DLGAP2: variants seen among roughly 807,000 people sequenced by gnomAD.
DLGAP2 encodes DLG associated protein 2, also known as disks large-associated protein 2.
DLGAP2 carries 26 observed loss-of-function variants against 100.3 expected under a neutral mutation model. The ratio of observed to expected loss-of-function variants is 0.26; its 90% CI spans 0.19 to 0.36. The LOEUF (loss-of-function observed/expected upper bound fraction) is 0.36. Among genes scored for constraint, DLGAP2 ranks in the 10% least tolerant of loss-of-function variants. The pLI, the probability that DLGAP2 is intolerant of heterozygous loss-of-function variation, is 1.00. For synonymous variants in DLGAP2, 886 were observed against 630.1 expected (o/e 1.41, Z -6.08); for missense variants, 1,858 against 1,453.2 (o/e 1.28, Z -4.53).
chr8:1,094,022 T>C (rs1250425360), intron 2 of DLGAP2, among the ~76,000 whole-genome samples: 10 of 148,782 alleles, frequency 6.7e-5, no homozygotes, highest in Non-Finnish European at 1.0e-4. Context: ...GAGGGCAGCT[T>C]CGCGGTGGGT....
chr8:1,630,895 G>A (rs1184691620), intron 7 of DLGAP2, among the ~76,000 whole-genome samples: 2 of 138,714 alleles, frequency 1.4e-5, no homozygotes, highest in African/African-American at 3.4e-5. Flanking sequence ...CGGGAGGTCC[G>A]GGTGTCCCGA....
intron 3 of DLGAP2, among the ~76,000 whole-genome samples, chr8:1,452,880 A>T (rs1324152523): frequency 1.3e-5 from 2 of 152,150 alleles, no homozygotes; most frequent in Non-Finnish European, 2.9e-5. Flanking sequence ...TGTTTTTGTA[A>T]AAGGGGGGTG....
chr8:1,381,168 A>G (rs893274869), intron 3 of DLGAP2: 1 of 152,134 alleles, frequency 6.6e-6, no homozygotes, highest in Non-Finnish European at 1.5e-5. Context: ...TGGACAAGCA[A>G]CCAGAACAGG....
At chr8:1,312,083 C>T (rs939528785) in intron 3 of DLGAP2, among the ~76,000 whole-genome samples, 4 of 152,202 alleles carry the variant, frequency 2.6e-5, no homozygotes, top group African/African-American at 9.6e-5. Flanking sequence ...GCTACTTCAT[C>T]CAACAGCAGC....
intron 2 of DLGAP2, among the ~76,000 whole-genome samples, chr8:1,098,718 C>A (rs1432732864): frequency 7.5e-6 from 1 of 133,096 alleles, no homozygotes; most frequent in African/African-American, 2.8e-5. Context: ...TCCCGGCCGC[C>A]CACGGGCGCC....
intron 3 of DLGAP2, chr8:1,259,774 C>G (rs1799308113): frequency 1.3e-5 from 2 of 152,186 alleles, no homozygotes; most frequent in African/African-American, 4.8e-5. Context: ...ATTGGAAAGG[C>G]TCTTACTCGT....
At chr8:1,580,404 T>C (rs919650852) in intron 6 of DLGAP2, among the ~76,000 whole-genome samples, 10 of 151,988 alleles carry the variant, frequency 6.6e-5, no homozygotes, top group Admixed American at 3.9e-4. Flanking sequence ...TGAAGATAGG[T>C]TCATGGAAAT....
chr8:1,214,822 C>T (rs1014203006), intron 2 of DLGAP2, among the ~76,000 whole-genome samples: 1 of 152,252 alleles, frequency 6.6e-6, no homozygotes, highest in Non-Finnish European at 1.5e-5. Context: ...TTCCACATAA[C>T]ATTCTTTAAT....
At chr8:1,048,264 G>A (rs1221945403) in intron 2 of DLGAP2, among the ~76,000 whole-genome samples, 1 of 152,136 alleles carries the variant, frequency 6.6e-6, no homozygotes, top group Non-Finnish European at 1.5e-5. Context: ...GTCCTGTGAG[G>A]CTGTCGTCTC....
intron 6 of DLGAP2, 43 bp downstream of exon 6, chr8:1,565,937 C>A (rs1424745135): frequency 2.6e-6 from 4 of 1,512,254 alleles, no homozygotes; most frequent in South Asian, 1.3e-5. Flanking sequence ...CACTTTCCCA[C>A]TGCCTGCGAG....
In DLGAP2 at chr8:780,369, G is replaced by A. The variant is rs73539405; in HGVS notation, c.18+42544G>A. On this transcript the variant is annotated intron_variant, in intron 1 of 14. Transcript: ENST00000637795. The stretch of plus-strand genomic sequence containing the variant: ...TGGCATTCCACTGTGCACACACCAC[G>A]TTTTCCTTATTCATCCATTGACAGA... Among the ~76,000 whole-genome samples the A allele has an allele frequency of 3.1e-3, 476 of 152,212 alleles. 3 individuals carry two copies. The highest frequency in any genetic ancestry group is 0.011 in the African/African-American group (456 of 41,522).
At chr8:1,178,148 G>T (rs755511477) in intron 2 of DLGAP2, among the ~76,000 whole-genome samples, 1 of 152,224 alleles carries the variant, frequency 6.6e-6, no homozygotes, top group Non-Finnish European at 1.5e-5. Context: ...AGGGACCCCC[G>T]GAGGACTGCC....
intron 5 of DLGAP2, among the ~76,000 whole-genome samples, chr8:1,551,772 A>G (rs1801775369): frequency 6.9e-6 from 1 of 145,506 alleles, no homozygotes; most frequent in African/African-American, 2.5e-5. Context: ...GCCTGTGTTG[A>G]TCTCCCAGAG....
chr8:975,415 C>T (rs1800137126), intron 2 of DLGAP2, among the ~76,000 whole-genome samples: 2 of 152,070 alleles, frequency 1.3e-5, no homozygotes, highest in South Asian at 4.2e-4. Flanking sequence ...GCATTCCCCT[C>T]AAATCAAAAC....
At chr8:1,057,597 C>T (rs1802921398) in intron 2 of DLGAP2, among the ~76,000 whole-genome samples, 1 of 152,214 alleles carries the variant, frequency 6.6e-6, no homozygotes, top group Non-Finnish European at 1.5e-5. Flanking sequence ...TTAGAAACCT[C>T]TATTCTAAAC....
At chr8:1,437,043 G>A (rs1426748981) in intron 3 of DLGAP2, among the ~76,000 whole-genome samples, 7 of 151,620 alleles carry the variant, frequency 4.6e-5, no homozygotes, top group Non-Finnish European at 1.0e-4. Flanking sequence ...GCCCAGGCGC[G>A]TAAGGGTGAC....
intron 3 of DLGAP2, among the ~76,000 whole-genome samples, chr8:1,501,036 T>C (rs909083284): frequency 6.6e-6 from 1 of 152,064 alleles, no homozygotes; most frequent in African/African-American, 2.4e-5. Context: ...CTGATTTTAC[T>C]CAAGTCTGTT....
chr8:1,259,284 TGA>T (rs1368221236), intron 3 of DLGAP2, among the ~76,000 whole-genome samples: 1 of 152,130 alleles, frequency 6.6e-6, no homozygotes, highest in Non-Finnish European at 1.5e-5. Context: ...TGGCTCAGCC[TGA>T]GAGTGTGTGG....
At chr8:1,202,464 G>C (rs1408477459) in intron 2 of DLGAP2, among the ~76,000 whole-genome samples, 1 of 152,094 alleles carries the variant, frequency 6.6e-6, no homozygotes, top group Non-Finnish European at 1.5e-5. Context: ...TCTTATAATG[G>C]GGAATCATTA....
Sources: allele counts gnomAD v4.1 joint callset (sites outside exome capture counted in the v4.1 genomes callset), GRCh38; gene constraint gnomAD v4.1.1; transcripts MANE v1.5; gene names NCBI Gene and HGNC (gene_info 2026-07-23, HGNC 2026-07-21).